Variants in STK3 observed in about 807,000 individuals in gnomAD.
The protein encoded by STK3 is serine/threonine kinase 3, also known as serine/threonine-protein kinase 3.
Under a neutral mutation model 58.0 loss-of-function variants are expected in STK3, and 41 were observed. That is an observed-to-expected ratio of 0.71 (90% CI 0.55 to 0.92). The LOEUF (loss-of-function observed/expected upper bound fraction) is 0.92. Among genes scored for constraint, STK3 ranks in the 40% least tolerant of loss-of-function variants. The probability of loss-of-function intolerance (pLI) is 0.00; values close to 1 mark genes in which losing one functional copy is unlikely to be tolerated. For missense variants in STK3, 479 were observed against 602.7 expected (o/e 0.79, Z 2.15); for synonymous variants, 170 against 191.0 (o/e 0.89, Z 0.91).
In STK3 at chr8:98,455,735, G is replaced by C; in HGVS notation, c.*107C>G. The stretch of plus-strand genomic sequence containing the variant: ...GTACCATTGTCACTTTTTGACCTCT[G>C]CCTAATTGTAGGGCAAAATCTTAGG... On this transcript the variant is annotated 3_prime_UTR_variant, in exon 11 of 11. Transcript: ENST00000419617. The C allele has an allele frequency of 7.2e-7, 1 of 1,394,732 alleles. No individual in the cohort carries two copies. The highest frequency in any genetic ancestry group is 1.8e-4 in the Middle Eastern group (1 of 5,490). The allele number at this position is 1,394,732 out of a possible 1,614,324, so 86.4% of individuals were successfully genotyped here.
At chr8:98,708,228 C>T (rs1167548727) in intron 4 of STK3, among the ~76,000 whole-genome samples, 2 of 152,044 alleles carry the variant, frequency 1.3e-5, no homozygotes, top group Non-Finnish European at 2.9e-5. Context: ...ATAGTGATTT[C>T]CCACATCTTC....
intron 3 of STK3, among the ~76,000 whole-genome samples, chr8:98,759,516 A>G (rs1035713096): frequency 6.6e-6 from 1 of 152,176 alleles, no homozygotes; most frequent in Non-Finnish European, 1.5e-5. Flanking sequence ...ATAATAATGA[A>G]AACGTCTGAA....
At chr8:98,601,640 T>C (rs1369008095) in intron 6 of STK3, 1 of 152,162 alleles carries the variant, frequency 6.6e-6, no homozygotes, top group African/African-American at 2.4e-5. Context: ...ATGTGAGCAA[T>C]AGGTATTACA....
At chr8:98,620,248 T>C (rs1377087920) in intron 6 of STK3, among the ~76,000 whole-genome samples, 2 of 110,976 alleles carry the variant, frequency 1.8e-5, no homozygotes, top group African/African-American at 7.0e-5. Flanking sequence ...TTCTCACTCA[T>C]AGGTGGGAAT....
At chr8:98,584,612 C>T (rs1814308875) in intron 7 of STK3, among the ~76,000 whole-genome samples, 1 of 148,730 alleles carries the variant, frequency 6.7e-6, no homozygotes, top group Admixed American at 6.7e-5. Flanking sequence ...GGGTATATAC[C>T]CAGTAATGGG....
At chr8:98,774,860 A>G in intron 1 of STK3, 41 bp from the exon 2 acceptor site, 1 of 1,409,998 alleles carries the variant, frequency 7.1e-7, no homozygotes, top group Non-Finnish European at 9.5e-7. Context: ...ATTTTCTTTA[A>G]AGACCTTTTA....
chr8:98,614,864 G>C (rs1231462138), intron 6 of STK3, among the ~76,000 whole-genome samples: 4 of 152,170 alleles, frequency 2.6e-5, no homozygotes, highest in Non-Finnish European at 4.4e-5. Context: ...CAAACTGCAA[G>C]GCGGCAGCTA....
At chr8:98,403,438 G>A (rs1445329170) in intron 3 of STK3, among the ~76,000 whole-genome samples, 4 of 152,220 alleles carry the variant, frequency 2.6e-5, no homozygotes, top group Non-Finnish European at 5.9e-5. Flanking sequence ...AGGAAGGGAA[G>A]TAAGCCAATG....
chr8:98,711,354 C>T (rs113273452), intron 4 of STK3, among the ~76,000 whole-genome samples: 3 of 150,922 alleles, frequency 2.0e-5, no homozygotes, highest in African/African-American at 7.3e-5. Context: ...AGGAGAAGTA[C>T]GAACCCAGGC....
chr8:98,362,258 G>A, the STK3 span, among the ~76,000 whole-genome samples: 15 of 152,250 alleles, frequency 9.9e-5, no homozygotes, highest in South Asian at 2.1e-3. Context: ...GGAAATGCCC[G>A]GTTTGGATCT....
At chr8:98,624,789 G>T (rs954697462) in intron 6 of STK3, among the ~76,000 whole-genome samples, 2 of 152,116 alleles carry the variant, frequency 1.3e-5, no homozygotes, top group African/African-American at 4.8e-5. Flanking sequence ...GGGAGGTGGA[G>T]GTTGCAGTGA....
chr8:98,494,412 C>T (rs1822960985), intron 10 of STK3, among the ~76,000 whole-genome samples: 2 of 152,114 alleles, frequency 1.3e-5, no homozygotes, highest in African/African-American at 4.8e-5. Flanking sequence ...GTTTTGAAGA[C>T]TCTTCCATTA....
At chr8:98,481,114 A>G (rs868363791) in intron 10 of STK3, among the ~76,000 whole-genome samples, 10 of 152,228 alleles carry the variant, frequency 6.6e-5, no homozygotes, top group Middle Eastern at 3.4e-3. Context: ...TACGAAAAAA[A>G]GTCACATGAT....
chr8:98,509,577 T>C (rs1043643336), intron 10 of STK3, among the ~76,000 whole-genome samples: 15 of 152,026 alleles, frequency 9.9e-5, no homozygotes, highest in Admixed American at 9.8e-4. Flanking sequence ...AGTAATCGAA[T>C]AGCTTTTTAA....
chr8:98,394,081 A>G (rs1037982362), intron 3 of STK3, among the ~76,000 whole-genome samples: 2 of 152,134 alleles, frequency 1.3e-5, no homozygotes, highest in African/African-American at 4.8e-5. Flanking sequence ...GAGCAGCAGG[A>G]TAAGATTGTG....
chr8:98,913,417 G>C (rs1292299266), intron 1 of STK3, among the ~76,000 whole-genome samples: 3 of 152,228 alleles, frequency 2.0e-5, no homozygotes, highest in Non-Finnish European at 4.4e-5. Flanking sequence ...AGTTAATTCA[G>C]TGTGCAAAGC....
chr8:98,523,015 C>A (rs954447684), intron 10 of STK3, among the ~76,000 whole-genome samples: 1 of 152,192 alleles, frequency 6.6e-6, no homozygotes, highest in African/African-American at 2.4e-5. Context: ...GGGTGTACAA[C>A]TACCTCTTTG....
At chr8:98,680,348 T>C (rs570907288) in intron 6 of STK3, among the ~76,000 whole-genome samples, 38 of 152,296 alleles carry the variant, frequency 2.5e-4, no homozygotes, top group Admixed American at 4.6e-4. Context: ...AATATCATGA[T>C]TGAACTTGAG....
chr8:98,550,000 C>T (rs1811031977), intron 8 of STK3, among the ~76,000 whole-genome samples: 2 of 152,032 alleles, frequency 1.3e-5, no homozygotes, highest in South Asian at 4.2e-4. Context: ...GAGCAAGACC[C>T]CATTTCAAAA....
Sources: allele counts gnomAD v4.1 joint callset (sites outside exome capture counted in the v4.1 genomes callset), GRCh38; gene constraint gnomAD v4.1.1; transcripts MANE v1.5; gene names NCBI Gene and HGNC (gene_info 2026-07-23, HGNC 2026-07-21).